The following GPAM variants were observed in gnomAD, a reference collection of about 807,000 sequenced individuals.
GPAM encodes the protein glycerol-3-phosphate acyltransferase 1, mitochondrial.
GPAM carries 56 observed loss-of-function variants against 105.0 expected under a neutral mutation model. The ratio of observed to expected loss-of-function variants is 0.53; its 90% confidence interval spans 0.43 to 0.67. GPAM has a LOEUF of 0.67. Among genes scored for constraint, GPAM ranks in the 30% least tolerant of loss-of-function variants. The pLI, the probability that GPAM is intolerant of heterozygous loss-of-function variation, is 0.00. For synonymous variants in GPAM, 368 were observed against 354.4 expected, an observed-to-expected ratio of 1.04 and a Z score of -0.43; for missense variants, 855 against 989.8, an observed-to-expected ratio of 0.86 and a Z score of 1.83.
rs1847354474 is a variant in GPAM, at chr10:112,173,756, T to C, written c.503A>G (p.Lys168Arg). 17 of 1,613,738 alleles carry C rather than the reference T, an allele frequency of 1.1e-5. No homozygotes were observed. In the East Asian group the frequency reaches 3.6e-4, roughly 34 times the overall value. Residue 168 changes from lysine (K) to arginine (R), a missense_variant, in exon 7 of 22, where the codon AAG becomes AGG. Physicochemically the swap from Lys to Arg is conservative, Grantham distance 26 (BLOSUM62 2). Coordinates refer to ENST00000348367, the MANE Select transcript of GPAM (RefSeq NM_001244949.2). ...QQSKAVNKVKKKAKRILQEMV... is the reference protein window; with the variant it reads ...QQSKAVNKVKRKAKRILQEMV... ...TTCTTGAAGAATCCTTTTAGCTTTC[T>C]TTTTCACTTTGTTAACGGCTTTTGA...
At chr10:112,188,304 A>G (rs1306010076), upstream of GPAM, among the ~76,000 whole-genome samples, 1 of 152,220 alleles carries the variant, frequency 6.6e-6, no homozygotes, top group Non-Finnish European at 1.5e-5. Flanking sequence ...CATAAGGAAA[A>G]AAGAGGAGGA....
intron 5 of GPAM, among the ~76,000 whole-genome samples, chr10:112,176,512 G>A (rs1847407751): frequency 6.6e-6 from 1 of 152,116 alleles, no homozygotes; most frequent in African/African-American, 2.4e-5. Flanking sequence ...CCTCAATAGA[G>A]AAAAAGTAAC....
At chr10:112,167,335 T>G (rs1239680919) in intron 11 of GPAM, among the ~76,000 whole-genome samples, 1 of 152,314 alleles carries the variant, frequency 6.6e-6, no homozygotes, top group Middle Eastern at 3.4e-3. Flanking sequence ...AAAACCATTC[T>G]GATAAAGTGG....
rs1261364170 is a variant in GPAM at position 112,197,645 on chromosome 10, A to G, written n.211-14754T>C. 9.3e-5 allele frequency among the ~76,000 whole-genome samples: 4 copies of G among 43,098 alleles called. No homozygotes were observed. In the South Asian group the frequency reaches 3.0e-3, roughly 33 times the overall value. The allele number at this position is 43,098 out of a possible 152,430, so 28.3% of individuals were successfully genotyped here. A position where few individuals can be genotyped will look rare whatever the true frequency, so the allele number is the denominator to read the frequency against. Reference sequence around the variant, plus strand: ...AATGCTATCCCTCCACCCTCCCCCCACCCCACAACAGTCCCCAGAGTGTGA... The same window carrying G: ...AATGCTATCCCTCCACCCTCCCCCCGCCCCACAACAGTCCCCAGAGTGTGA... On this transcript the variant is annotated intron_variant and non_coding_transcript_variant, in intron 1 of 3. Coordinates refer to the GPAM transcript ENST00000480130.
chr10:112,207,287 T>G (rs372963870), intron 1 of GPAM, among the ~76,000 whole-genome samples: 8 of 152,188 alleles, frequency 5.3e-5, no homozygotes, highest in African/African-American at 1.9e-4. Flanking sequence ...GGGCCAAGGT[T>G]GACCCATTCT....
chr10:112,200,162 A>G (rs1847776460), intron 1 of GPAM, among the ~76,000 whole-genome samples: 1 of 99,142 alleles, frequency 1.0e-5, no homozygotes, highest in African/African-American at 3.6e-5. Flanking sequence ...ACACATTGTA[A>G]AGGAAATATA....
chr10:112,166,281 T>A, intron 12 of GPAM, 121 bp downstream of exon 12: 1 of 728,934 alleles, frequency 1.4e-6, no homozygotes, highest in Non-Finnish European at 2.5e-6. Context: ...ATAGTCCTCA[T>A]TTTACAGGAG....
At chr10:112,164,845 A>G (rs1448858344) in intron 12 of GPAM, among the ~76,000 whole-genome samples, 5 of 152,222 alleles carry the variant, frequency 3.3e-5, no homozygotes, top group Non-Finnish European at 4.4e-5. Flanking sequence ...AGGATGCTTA[A>G]ACAAAATCAT....
chr10:112,158,760 C>T (rs1236123100), intron 17 of GPAM, among the ~76,000 whole-genome samples: 1 of 152,122 alleles, frequency 6.6e-6, no homozygotes, highest in Non-Finnish European at 1.5e-5. Flanking sequence ...CAATAGTTAT[C>T]TTATAATAAA....
At position 112,180,559 on chromosome 10, in the gene GPAM, C is replaced by T; in HGVS notation, c.139G>A (p.Ala47Thr). 6.2e-7 allele frequency: 1 copy of T among 1,611,938 alleles called. No homozygotes were observed. The highest frequency in any genetic ancestry group is 8.5e-7 in the Non-Finnish European group (1 of 1,178,034). ...CGFRPTIFRSATLKWKESLMS... is the reference protein window; with the variant it reads ...CGFRPTIFRSTTLKWKESLMS... The stretch of plus-strand genomic sequence containing the variant: ...AGGCTTTCTTTCCATTTTAAAGTTG[C>T]AGATCTGAAGATGGTGGGTCTAAAG... The change falls in exon 4 of 22, where the codon GCA (alanine) becomes ACA (threonine). Residue 47 changes from alanine to threonine, a missense_variant. Physicochemically the swap from Ala to Thr is moderately conservative, Grantham distance 58. Transcript: ENST00000348367.
intron 14 of GPAM, among the ~76,000 whole-genome samples, chr10:112,162,467 C>T (rs1277276578): frequency 1.3e-5 from 2 of 152,118 alleles, no homozygotes; most frequent in African/African-American, 4.8e-5. Context: ...CTACAGTGCA[C>T]ACCCCTACAC....
upstream of GPAM, among the ~76,000 whole-genome samples, chr10:112,185,449 A>G (rs1397989163): frequency 6.6e-6 from 1 of 151,714 alleles, no homozygotes; most frequent in African/African-American, 2.4e-5. Context: ...AGTAGAAAAA[A>G]TAAACTGAGC....
upstream of GPAM, among the ~76,000 whole-genome samples, chr10:112,217,371 A>G (rs1245817446): frequency 6.6e-6 from 1 of 151,882 alleles, no homozygotes; most frequent in Non-Finnish European, 1.5e-5. Context: ...ATATACTACA[A>G]TTTATACAGT....
chr10:112,178,334 G>A lies in GPAM; in HGVS notation c.226-277C>T, dbSNP rs112404535. 3.4e-3 allele frequency among the ~76,000 whole-genome samples: 513 copies of A among 152,202 alleles called. 2 individuals carry two copies. Among genetic ancestry groups the A allele is most frequent in the African/African-American group, 0.012 (485 of 41,526 alleles). On this transcript the variant is annotated intron_variant, in intron 4 of 21. Coordinates refer to ENST00000348367, the MANE Select transcript of GPAM (RefSeq NM_001244949.2). Reference sequence around the variant, plus strand: ...GGAGGCCGAAGCGGGCAGATCACCTGAGGTCATTAGTTTGAGACCAGCCTG... The same window carrying A: ...GGAGGCCGAAGCGGGCAGATCACCTAAGGTCATTAGTTTGAGACCAGCCTG...
At chr10:112,204,873 A>G (rs1847841824) in intron 1 of GPAM, among the ~76,000 whole-genome samples, 1 of 120,184 alleles carries the variant, frequency 8.3e-6, no homozygotes, top group African/African-American at 3.3e-5. Context: ...GAGGAAGTCA[A>G]ATTGTCCCTG....
chr10:112,220,173 A>C (rs1167180980), upstream of GPAM, among the ~76,000 whole-genome samples: 1 of 151,880 alleles, frequency 6.6e-6, no homozygotes, highest in Non-Finnish European at 1.5e-5. Context: ...CAGGAGGACC[A>C]TTTTCCACAC....
intron 3 of GPAM, among the ~76,000 whole-genome samples, chr10:112,180,842 G>A (rs1263637465): frequency 1.3e-5 from 2 of 152,148 alleles, no homozygotes; most frequent in African/African-American, 4.8e-5. Context: ...AAACTAAATT[G>A]TAGAAGGTCA....
chr10:112,200,596 A>G (rs1055426693), intron 1 of GPAM, among the ~76,000 whole-genome samples: 1 of 152,032 alleles, frequency 6.6e-6, no homozygotes, highest in Non-Finnish European at 1.5e-5. Flanking sequence ...CCGGCTTTGT[A>G]AGGGAAATAT....
chr10:112,224,427 G>C, the GPAM span, among the ~76,000 whole-genome samples: 142 of 152,240 alleles, frequency 9.3e-4, no homozygotes, highest in African/African-American at 3.2e-3. Flanking sequence ...CAGAAAATGA[G>C]CTGAGCTTTC....
Sources: allele counts gnomAD v4.1 joint callset (sites outside exome capture counted in the v4.1 genomes callset), GRCh38; gene constraint gnomAD v4.1.1; transcripts MANE v1.5; gene names NCBI Gene and HGNC (gene_info 2026-07-23, HGNC 2026-07-21).